The following ABTB2 variants were observed in gnomAD, a reference collection of about 807,000 sequenced individuals.
ABTB2 encodes ankyrin repeat and BTB/POZ domain-containing protein 2.
In ABTB2, 56 loss-of-function variants were observed where a neutral mutation model predicts 104.1. That is an observed-to-expected ratio of 0.54 (90% CI 0.43 to 0.67). ABTB2 has a LOEUF of 0.67. Ranked by LOEUF, ABTB2 falls within the 30% of genes least tolerant of loss-of-function variation. The pLI, the probability that ABTB2 is intolerant of heterozygous loss-of-function variation, is 0.00. For synonymous variants in ABTB2, 606 were observed against 608.2 expected (o/e 1.00, Z 0.05); for missense variants, 1,279 against 1,407.7 (o/e 0.91, Z 1.46).
intron 1 of ABTB2, among the ~76,000 whole-genome samples, chr11:34,253,529 A>G (rs991723027): frequency 6.6e-6 from 1 of 152,148 alleles, no homozygotes; most frequent in Non-Finnish European, 1.5e-5. Context: ...TACAAAAATT[A>G]GCCAGGCATG....
intron 1 of ABTB2, among the ~76,000 whole-genome samples, chr11:34,343,084 C>G (rs1489808582): frequency 2.0e-5 from 3 of 152,144 alleles, no homozygotes; most frequent in African/African-American, 7.2e-5. Context: ...ATCCTGCTGC[C>G]TCAGCCTCCC....
intron 1 of ABTB2, among the ~76,000 whole-genome samples, chr11:34,286,605 A>T (rs933860082): frequency 7.2e-5 from 11 of 152,006 alleles, no homozygotes; most frequent in Admixed American, 3.3e-4. Flanking sequence ...AAAATATTTT[A>T]AAAAAGATCC....
At position 34,171,050 on chromosome 11, in the gene ABTB2, G is replaced by A; in HGVS notation, c.1419C>T (p.Ser473=). 2 of 1,614,202 alleles carry A rather than the reference G, an allele frequency of 1.2e-6. No individual in the cohort carries two copies. The highest frequency in any genetic ancestry group is 8.5e-7 in the Non-Finnish European group (1 of 1,180,022). The change falls in exon 5 of 17, where the codon TCC becomes TCT. Residue 473 remains serine (S), a synonymous_variant. Coordinates refer to ENST00000435224, the MANE Select transcript of ABTB2 (RefSeq NM_145804.3). ...CTGCTCGGGCATCCAGCCTCCGGAA[G>A]GAACTGAAACAGTGTTCGGGTCTGC... The part of the protein sequence containing the change: ...RQLKPEHCFS[S]FRRLDARAAT...
intron 3 of ABTB2, among the ~76,000 whole-genome samples, chr11:34,186,410 C>T (rs779921556): frequency 2.0e-5 from 3 of 152,334 alleles, no homozygotes; most frequent in Non-Finnish European, 4.4e-5. Flanking sequence ...TGTCCTCCCC[C>T]CATCCTGAGG....
intron 1 of ABTB2, among the ~76,000 whole-genome samples, chr11:34,319,843 A>G (rs768789201): frequency 7.2e-5 from 11 of 152,024 alleles, no homozygotes; most frequent in Non-Finnish European, 1.2e-4. Flanking sequence ...TAATTTTTGT[A>G]TTTTTAATAG....
intron 3 of ABTB2, among the ~76,000 whole-genome samples, chr11:34,173,656 G>A (rs909966714): frequency 3.2e-4 from 48 of 152,138 alleles, no homozygotes; most frequent in African/African-American, 1.2e-3. Context: ...AGGTGGCCCA[G>A]GGAAGGAGCA....
At chr11:34,159,451 G>A in intron 13 of ABTB2, 65 bp from the exon 14 acceptor site, 1 of 1,051,250 alleles carries the variant, frequency 9.5e-7, no homozygotes, top group Non-Finnish European at 1.5e-6. Flanking sequence ...TGTGGCGATG[G>A]CACCATCTGT....
At chr11:34,286,782 T>A (rs999024323) in intron 1 of ABTB2, among the ~76,000 whole-genome samples, 4 of 152,218 alleles carry the variant, frequency 2.6e-5, no homozygotes, top group African/African-American at 7.2e-5. Context: ...ACTCTCAACA[T>A]GTCTCCCCTT....
At chr11:34,339,578 T>A (rs929325727) in intron 1 of ABTB2, among the ~76,000 whole-genome samples, 1 of 152,160 alleles carries the variant, frequency 6.6e-6, no homozygotes, top group South Asian at 2.1e-4. Flanking sequence ...AACACAATCA[T>A]GCAATATCCT....
intron 3 of ABTB2, among the ~76,000 whole-genome samples, chr11:34,188,992 C>G (rs1190602604): frequency 6.6e-6 from 1 of 152,170 alleles, no homozygotes; most frequent in Non-Finnish European, 1.5e-5. Context: ...AACGGAGACT[C>G]TGAGAGGTAA....
In ABTB2 at chr11:34,172,435, T is replaced by TAG. The variant is rs1852893044; in HGVS notation, c.1397+719_1397+720insCT. 9.1e-5 allele frequency among the ~76,000 whole-genome samples: 7 copies of TAG among 77,158 alleles called. 1 individual carries two copies. The South Asian group carries it at 1.3e-3, about 15-fold the overall frequency. The allele number at this position is 77,158 out of a possible 152,430, so 50.6% of individuals were successfully genotyped here. ...ATATATATATGTGTGTGTGTGTGTG[T>TAG]ATATAGATAGATAGATAGATAGATA... On this transcript the variant is annotated intron_variant, in intron 4 of 16. Transcript: ENST00000435224.
intron 1 of ABTB2, among the ~76,000 whole-genome samples, chr11:34,264,740 G>A (rs1371832867): frequency 6.6e-6 from 1 of 152,190 alleles, no homozygotes; most frequent in Non-Finnish European, 1.5e-5. Flanking sequence ...TAAACTGTTC[G>A]AAGCGTGTCC....
intron 1 of ABTB2, among the ~76,000 whole-genome samples, chr11:34,248,452 A>C (rs1854013263): frequency 6.6e-6 from 1 of 152,160 alleles, no homozygotes; most frequent in African/African-American, 2.4e-5. Flanking sequence ...AACAAAAAAA[A>C]CCCTTCCTTA....
intron 3 of ABTB2, among the ~76,000 whole-genome samples, chr11:34,179,526 T>C (rs1852999881): frequency 2.0e-5 from 3 of 152,176 alleles, no homozygotes; most frequent in Non-Finnish European, 2.9e-5. Context: ...GGTGTATGGC[T>C]TGCATGCATG....
At chr11:34,212,893 C>T (rs1398294920) in intron 1 of ABTB2, among the ~76,000 whole-genome samples, 1 of 152,196 alleles carries the variant, frequency 6.6e-6, no homozygotes, top group African/African-American at 2.4e-5. Context: ...TTAACAACTG[C>T]TTAAGAAGCT....
At chr11:34,232,748 G>A (rs987799767) in intron 1 of ABTB2, among the ~76,000 whole-genome samples, 2 of 152,074 alleles carry the variant, frequency 1.3e-5, no homozygotes, top group African/African-American at 4.8e-5. Context: ...ACCAAGGTGG[G>A]AGGATCACTG....
At chr11:34,226,062 G>A (rs1221639078) in intron 1 of ABTB2, among the ~76,000 whole-genome samples, 4 of 151,626 alleles carry the variant, frequency 2.6e-5, no homozygotes, top group East Asian at 1.9e-4. Flanking sequence ...AAAATTAGCC[G>A]AGTGTTGCGT....
At chr11:34,204,811 G>C (rs1331269324) in intron 1 of ABTB2, 121 bp from the exon 2 acceptor site, 5 of 1,165,320 alleles carry the variant, frequency 4.3e-6, no homozygotes, top group Non-Finnish European at 5.9e-6. Context: ...AGGTTCAGGA[G>C]GTAAAATCTC....
chr11:34,195,077 G>GGGGGGGGT, intron 3 of ABTB2, among the ~76,000 whole-genome samples: 1 of 97,324 alleles, frequency 1.0e-5, no homozygotes, highest in South Asian at 4.8e-4. Flanking sequence ...ATGCCCGGCG[G>GGGGGGGGT]GGGGGGGGAG....
Sources: allele counts gnomAD v4.1 joint callset (sites outside exome capture counted in the v4.1 genomes callset), GRCh38; gene constraint gnomAD v4.1.1; transcripts MANE v1.5; gene names NCBI Gene and HGNC (gene_info 2026-07-23, HGNC 2026-07-21).